The following FHL2 variants were observed in gnomAD, a reference collection of about 807,000 sequenced individuals.
FHL2 encodes four and a half LIM domains protein 2.
In FHL2, 20 loss-of-function variants were observed where a neutral mutation model predicts 32.7. The observed-to-expected ratio is 0.61, with a 90% CI of 0.43 to 0.89. The LOEUF (loss-of-function observed/expected upper bound fraction) is 0.89. Ranked by LOEUF, FHL2 falls within the 40% of genes least tolerant of loss-of-function variation. The pLI, the probability that FHL2 is intolerant of heterozygous loss-of-function variation, is 0.00. For missense variants in FHL2, 311 were observed against 358.6 expected, an observed-to-expected ratio of 0.87 and a Z score of 1.07; for synonymous variants, 123 against 128.1, an observed-to-expected ratio of 0.96 and a Z score of 0.27.
upstream of FHL2, among the ~76,000 whole-genome samples, chr2:105,401,104 A>C (rs1249592276): frequency 1.3e-5 from 2 of 148,920 alleles, no homozygotes; most frequent in Non-Finnish European, 3.0e-5. Flanking sequence ...GATTCTAATC[A>C]AAGAATAAAC....
chr2:105,386,022 C>T (rs954109447), intron 3 of FHL2: 5 of 407,956 alleles, frequency 1.2e-5, no homozygotes, highest in Non-Finnish European at 2.2e-5. Context: ...CACCACGGGG[C>T]AAACAGACAA....
chr2:105,372,839 A>T (rs1681185217), intron 4 of FHL2, among the ~76,000 whole-genome samples: 1 of 152,166 alleles, frequency 6.6e-6, no homozygotes, highest in Non-Finnish European at 1.5e-5. Context: ...TTACAGGTAT[A>T]AGCCACCGCA....
chr2:105,361,247 T>A lies in FHL2; in HGVS notation c.*36A>T. On this transcript the variant is annotated 3_prime_UTR_variant, in exon 7 of 7. Transcript: ENST00000530340. ...GAGAAAGAAAACATAAAAATCTGTG[T>A]GTGAGATCACAAGCAGCAACTTCTC... The A allele has an allele frequency of 6.3e-7, 1 of 1,593,122 alleles. No individual in the cohort carries two copies. The highest frequency in any genetic ancestry group is 1.1e-5 in the South Asian group (1 of 88,630).
At chr2:105,376,590 A>C (rs899628202) in intron 3 of FHL2, 1 of 152,240 alleles carries the variant, frequency 6.6e-6, no homozygotes, top group African/African-American at 2.4e-5. Flanking sequence ...TTAAGAATAA[A>C]TTTTGTGTGG....
chr2:105,384,307 A>C (rs1682129295), intron 3 of FHL2, among the ~76,000 whole-genome samples: 1 of 152,230 alleles, frequency 6.6e-6, no homozygotes, highest in South Asian at 2.1e-4. Context: ...TCCAAAATGA[A>C]AAGCGACAAA....
intron 1 of FHL2, among the ~76,000 whole-genome samples, chr2:105,431,049 T>C (rs1210323679): frequency 6.6e-6 from 1 of 152,246 alleles, no homozygotes; most frequent in Non-Finnish European, 1.5e-5. Flanking sequence ...CTCTTGTTAA[T>C]CTAGATTTTG....
chr2:105,427,583 T>G (rs992443637), intron 1 of FHL2, among the ~76,000 whole-genome samples: 1 of 152,194 alleles, frequency 6.6e-6, no homozygotes, highest in Non-Finnish European at 1.5e-5. Flanking sequence ...AACGTGTCCC[T>G]GACTTTCGAA....
intron 1 of FHL2, among the ~76,000 whole-genome samples, chr2:105,406,310 G>C (rs1411252362): frequency 6.6e-6 from 1 of 152,210 alleles, no homozygotes; most frequent in African/African-American, 2.4e-5. Context: ...CGTGTGTACA[G>C]TCAGAGATGC....
intron 5 of FHL2, among the ~76,000 whole-genome samples, chr2:105,365,393 G>A (rs1460127955): frequency 6.6e-6 from 1 of 152,090 alleles, no homozygotes; most frequent in Non-Finnish European, 1.5e-5. Flanking sequence ...TGTATTTAAT[G>A]AACATGCACA....
At chr2:105,409,431 C>T (rs1209940239) in intron 1 of FHL2, among the ~76,000 whole-genome samples, 1 of 152,154 alleles carries the variant, frequency 6.6e-6, no homozygotes, top group East Asian at 1.9e-4. Flanking sequence ...CCTGGCATTG[C>T]AAGCCCAGCA....
intron 2 of FHL2, among the ~76,000 whole-genome samples, chr2:105,394,849 TAAAC>T (rs1486495240): frequency 6.6e-6 from 1 of 152,204 alleles, no homozygotes; most frequent in African/African-American, 2.4e-5. Context: ...AAAAAATAAA[TAAAC>T]ATCTTCATCT....
intron 3 of FHL2, among the ~76,000 whole-genome samples, chr2:105,382,327 T>C (rs1311782891): frequency 1.3e-5 from 2 of 152,232 alleles, no homozygotes; most frequent in African/African-American, 2.4e-5. Context: ...TCATAAGGAC[T>C]GACCACATCT....
chr2:105,373,512 G>A (rs183116189), intron 4 of FHL2, 47 bp downstream of exon 4: 205 of 1,607,580 alleles, frequency 1.3e-4, no homozygotes, highest in Admixed American at 9.0e-4. Flanking sequence ...CGTGCACAAG[G>A]CTTGAAGCTA....
In FHL2 at chr2:105,433,167, ATTCTTCTTC is replaced by A. The variant is rs142202715; in HGVS notation, c.-25+5223_-25+5231del. Among the ~76,000 whole-genome samples, 18 of 145,882 alleles carry A rather than the reference ATTCTTCTTC, an allele frequency of 1.2e-4. No individual in the cohort carries two copies. In the South Asian group the frequency reaches 3.2e-3, roughly 26 times the overall value. ...AAATAAAAATAAGTTCAAAGTCCTC[ATTCTTCTTC>A]TTCTTCTTTTTTTTTTTTTTTTGAG... On this transcript the variant is annotated intron_variant, in intron 1 of 5. Coordinates refer to the FHL2 transcript ENST00000393352.
intron 2 of FHL2, among the ~76,000 whole-genome samples, chr2:105,395,177 TC>T (rs1230700120): frequency 6.6e-6 from 1 of 152,226 alleles, no homozygotes; most frequent in Non-Finnish European, 1.5e-5. Flanking sequence ...ACCTTTAAGA[TC>T]CCATCTTGTC....
At chr2:105,381,169 C>A (rs1469589172) in intron 3 of FHL2, among the ~76,000 whole-genome samples, 4 of 152,180 alleles carry the variant, frequency 2.6e-5, no homozygotes, top group Non-Finnish European at 5.9e-5. Flanking sequence ...CATACGATTT[C>A]ACTTCAGACA....
chr2:105,433,064 G>A (rs1684484346), intron 1 of FHL2, among the ~76,000 whole-genome samples: 1 of 152,202 alleles, frequency 6.6e-6, no homozygotes, highest in Admixed American at 6.5e-5. Context: ...CTAGCTCTCA[G>A]GGTTTAACTA....
chr2:105,435,499 G>A (rs4851772), intron 1 of FHL2, among the ~76,000 whole-genome samples: 126,539 of 152,174 alleles, frequency 0.83, 53,490 homozygotes, highest in Non-Finnish European at 0.91. Context: ...TCTACTTAAC[G>A]TGAAAGTAGG....
chr2:105,419,467 A>C (rs1265597004), intron 1 of FHL2, among the ~76,000 whole-genome samples: 1 of 152,152 alleles, frequency 6.6e-6, no homozygotes, highest in East Asian at 1.9e-4. Context: ...GGAGGACATA[A>C]ATTTCCCTTT....
Sources: gnomAD v4.1 joint callset for allele counts (sites outside exome capture counted in the v4.1 genomes callset) on GRCh38, gnomAD v4.1.1 for gene constraint, MANE v1.5 for transcripts, NCBI Gene and HGNC (gene_info 2026-07-23, HGNC 2026-07-21) for gene names.